The following CFTR variants were observed in gnomAD, a reference collection of about 807,000 sequenced individuals.
The protein encoded by CFTR is CF transmembrane conductance regulator, also known as cystic fibrosis transmembrane conductance regulator.
A neutral mutation model predicts 171.6 loss-of-function variants in CFTR; 181 were observed. That is an observed-to-expected ratio of 1.05 (90% CI 0.93 to 1.19). The LOEUF (loss-of-function observed/expected upper bound fraction) is 1.19. CFTR is among the 50% of genes most tolerant of loss of function. The probability of loss-of-function intolerance (pLI) is 0.00; values close to 1 mark genes in which losing one functional copy is unlikely to be tolerated. For synonymous variants in CFTR, 583 were observed against 608.0 expected, an observed-to-expected ratio of 0.96 and a Z score of 0.60; for missense variants, 1,968 against 1,734.7, an observed-to-expected ratio of 1.13 and a Z score of -2.39.
chr7:117,651,384 G>A (rs1793087657), intron 23 of CFTR, among the ~76,000 whole-genome samples: 1 of 152,120 alleles, frequency 6.6e-6, no homozygotes, highest in Non-Finnish European at 1.5e-5. Context: ...CTTAAATAAT[G>A]AACTGACTCA....
chr7:117,627,564 A>C lies in CFTR; in HGVS notation c.3511A>C (p.Thr1171Pro). 6.2e-7 allele frequency: 1 copy of C among 1,613,344 alleles called. No individual in the cohort carries two copies. Among genetic ancestry groups the C allele is most frequent in the Non-Finnish European group, 8.5e-7 (1 of 1,179,460 alleles). ...AGTCTTTAAGTTCATTGACATGCCA[A>C]CAGAAGGTAAACCTACCAAGTCAAC... Reference protein sequence around the residue: ...SRVFKFIDMPTEGKPTKSTKP... With the variant: ...SRVFKFIDMPPEGKPTKSTKP... Residue 1171 changes from threonine to proline, a missense_variant, in exon 22 of 27, where the codon ACA (threonine) becomes CCA (proline). Thr to Pro is a conservative substitution (Grantham distance 38). Coordinates refer to ENST00000003084, the MANE Select transcript of CFTR (RefSeq NM_000492.4).
At position 117,483,146 on chromosome 7, in the gene CFTR, C is replaced by A. The variant is rs1020463407; in HGVS notation, c.53+2999C>A. On this transcript the variant is annotated intron_variant, in intron 1 of 26. Coordinates refer to ENST00000003084, the MANE Select transcript of CFTR (RefSeq NM_000492.4). ...AAGTAATGAGAGATTTTAAAACAAA[C>A]AAATACACCTGAATTTATATATCAG... 5.3e-5 allele frequency among the ~76,000 whole-genome samples: 8 copies of A among 152,166 alleles called. No individual in the cohort carries two copies. In the East Asian group the frequency reaches 1.5e-3, roughly 29 times the overall value.
At chr7:117,559,766 C>T in intron 11 of CFTR, 111 bp downstream of exon 11, 2 of 743,722 alleles carry the variant, frequency 2.7e-6, no homozygotes, top group Non-Finnish European at 4.6e-6. Context: ...TTTATGTTTC[C>T]TCTATGGGTA....
At chr7:117,662,626 A>C (rs1320070359) in intron 24 of CFTR, among the ~76,000 whole-genome samples, 1 of 151,566 alleles carries the variant, frequency 6.6e-6, no homozygotes, top group Non-Finnish European at 1.5e-5. Context: ...AGGATTTAAA[A>C]CAGAAATGAT....
intron 1 of CFTR, among the ~76,000 whole-genome samples, chr7:117,500,757 T>C (rs1226352687): frequency 6.6e-6 from 1 of 152,188 alleles, no homozygotes; most frequent in African/African-American, 2.4e-5. Context: ...TAGAGGTTTA[T>C]TGTAGTGAAT....
chr7:117,516,315 A>G (rs1350795763), intron 3 of CFTR, among the ~76,000 whole-genome samples: 3 of 152,182 alleles, frequency 2.0e-5, no homozygotes, highest in African/African-American at 7.2e-5. Context: ...AAATAAAAAC[A>G]CTTATCTGGA....
intron 21 of CFTR, among the ~76,000 whole-genome samples, chr7:117,617,096 T>C (rs1225424718): frequency 6.6e-6 from 1 of 152,198 alleles, no homozygotes; most frequent in Non-Finnish European, 1.5e-5. Context: ...AATTGTTAGC[T>C]GAGTTTAGAG....
At chr7:117,490,200 A>G (rs1269761820) in intron 1 of CFTR, among the ~76,000 whole-genome samples, 1 of 151,928 alleles carries the variant, frequency 6.6e-6, no homozygotes, top group Non-Finnish European at 1.5e-5. Flanking sequence ...TCTCGTCAGT[A>G]CAATGAGTTA....
At position 117,606,718 on chromosome 7, in the gene CFTR, G is replaced by A. The variant is rs397508465; in HGVS notation, c.2953G>A (p.Asp985Asn). 1 of 1,593,724 alleles carries A rather than the reference G, an allele frequency of 6.3e-7. No homozygotes were observed. Among genetic ancestry groups the A allele is most frequent in the South Asian group, 1.1e-5 (1 of 90,598 alleles). The change falls in exon 18 of 27, where the codon GAC (aspartate) becomes AAC (asparagine). Residue 985 changes from aspartate (D) to asparagine (N), a missense_variant. Coordinates refer to ENST00000003084, the MANE Select transcript of CFTR (RefSeq NM_000492.4). ...CTCCAAAGATATAGCAATTTTGGAT[G>A]ACCTTCTGCCTCTTACCATATTTGA... ...RFSKDIAILD[D>N]LLPLTIFDFI...
intron 11 of CFTR, among the ~76,000 whole-genome samples, chr7:117,580,214 T>A (rs978219113): frequency 6.6e-6 from 1 of 152,084 alleles, no homozygotes; most frequent in Admixed American, 6.6e-5. Flanking sequence ...TAACATCTAT[T>A]ACATACAAAT....
At chr7:117,612,023 G>GTATATATATA (rs772661286) in intron 20 of CFTR, among the ~76,000 whole-genome samples, 1,280 of 52,986 alleles carry the variant, frequency 0.024, 95 homozygotes, top group Non-Finnish European at 0.032. Flanking sequence ...ATATATATAT[G>GTATATATATA]TATATATATA....
Position 117,592,434 on chromosome 7 carries a change from G to T in CFTR, c.2267G>T (p.Ser756Ile). The T allele has an allele frequency of 6.2e-7, 1 of 1,605,434 alleles. No homozygotes were observed. Among genetic ancestry groups the T allele is most frequent in the Non-Finnish European group, 8.5e-7 (1 of 1,175,802 alleles). Residue 756 changes from serine (S) to isoleucine (I), a missense_variant, in exon 14 of 27, where the codon AGC becomes ATC. Coordinates refer to ENST00000003084, the MANE Select transcript of CFTR (RefSeq NM_000492.4). ...EAILPRISVISTGPTLQARRR... is the reference protein window; with the variant it reads ...EAILPRISVIITGPTLQARRR... Reference sequence around the variant, plus strand: ...ATACTGCCTCGCATCAGCGTGATCAGCACTGGCCCCACGCTTCAGGCACGA... The same window carrying T: ...ATACTGCCTCGCATCAGCGTGATCATCACTGGCCCCACGCTTCAGGCACGA...
Position 117,623,428 on chromosome 7 carries a change from T to A in CFTR, c.3469-4094T>A, listed in dbSNP as rs534386931. The stretch of plus-strand genomic sequence containing the variant: ...TTTGCCAATCCAGTCATTCTGATAA[T>A]TGCTGAATATGAATTTCTATCCAGC... On this transcript the variant is annotated intron_variant, in intron 21 of 26. Coordinates refer to ENST00000003084, the MANE Select transcript of CFTR (RefSeq NM_000492.4). 2.0e-5 allele frequency among the ~76,000 whole-genome samples: 3 copies of A among 152,340 alleles called. No homozygotes were observed. In the East Asian group the frequency reaches 5.8e-4, roughly 29 times the overall value.
chr7:117,665,574 T>C lies in CFTR; in HGVS notation c.4242+10T>C, dbSNP rs138642693. On this transcript the variant is annotated intron_variant, in intron 26 of 26. Coordinates refer to ENST00000003084, the MANE Select transcript of CFTR (RefSeq NM_000492.4). Reference sequence around the variant, plus strand: ...ATGCCAACAATTTTTGGTGAGTCTTTATAACTTTACTTAAGATCTCATTGC... The same window carrying C: ...ATGCCAACAATTTTTGGTGAGTCTTCATAACTTTACTTAAGATCTCATTGC... 337 of 1,534,760 alleles carry C rather than the reference T, an allele frequency of 2.2e-4. 1 individual carries two copies. The African/African-American group carries it at 4.0e-3, about 18-fold the overall frequency.
intron 1 of CFTR, among the ~76,000 whole-genome samples, chr7:117,488,976 G>A (rs1798116223): frequency 6.6e-6 from 1 of 151,850 alleles, no homozygotes. Context: ...ATTTGCATTG[G>A]TTGCATCCCA....
At chr7:117,662,804 G>GA (rs2116216919) in intron 24 of CFTR, among the ~76,000 whole-genome samples, 1 of 152,240 alleles carries the variant, frequency 6.6e-6, no homozygotes, top group Non-Finnish European at 1.5e-5. Flanking sequence ...GTAGTTGGAA[G>GA]AATTCTAGGG....
At chr7:117,631,434 G>A (rs1686251733) in intron 22 of CFTR, among the ~76,000 whole-genome samples, 1 of 152,124 alleles carries the variant, frequency 6.6e-6, no homozygotes, top group African/African-American at 2.4e-5. Context: ...GACAGGAGTG[G>A]GGAAAGGCTG....
rs1330926045 is a variant in CFTR, at chr7:117,652,926, G to A, written c.3958G>A (p.Asp1320Asn). The change falls in exon 24 of 27, where the codon GAT becomes AAT. Residue 1320 changes from aspartate to asparagine, a missense_variant. By Grantham distance (23) the Asp-to-Asn change is conservative. Coordinates refer to ENST00000003084, the MANE Select transcript of CFTR (RefSeq NM_000492.4). The stretch of plus-strand genomic sequence containing the variant: ...TGATCAAGAAATATGGAAAGTTGCA[G>A]ATGAGGTAAGGCTGCTAACTGAAAT... Reference protein sequence around the residue: ...WSDQEIWKVADEVGLRSVIEQ... With the variant: ...WSDQEIWKVANEVGLRSVIEQ... 6.3e-7 allele frequency: 1 copy of A among 1,591,514 alleles called. No individual in the cohort carries two copies. The highest frequency in any genetic ancestry group is 8.6e-7 in the Non-Finnish European group (1 of 1,160,680).
At chr7:117,565,749 C>T (rs1445452538) in intron 11 of CFTR, among the ~76,000 whole-genome samples, 1 of 151,960 alleles carries the variant, frequency 6.6e-6, no homozygotes, top group Admixed American at 6.6e-5. Context: ...CTAAACTCTG[C>T]TTGGCAGTTT....
Sources: allele counts gnomAD v4.1 joint callset (sites outside exome capture counted in the v4.1 genomes callset), GRCh38; gene constraint gnomAD v4.1.1; transcripts MANE v1.5; gene names NCBI Gene and HGNC (gene_info 2026-07-23, HGNC 2026-07-21).